The following TERF1 variants were observed in gnomAD, a reference collection of about 807,000 sequenced individuals.
The protein encoded by TERF1 is telomeric repeat binding factor 1.
A neutral mutation model predicts 55.1 loss-of-function variants in TERF1; 20 were observed. The observed-to-expected ratio is 0.36, with a 90% CI of 0.26 to 0.53. The LOEUF (loss-of-function observed/expected upper bound fraction) is 0.53, where lower values mean the gene tolerates loss of function less well. Among genes scored for constraint, TERF1 ranks in the 20% least tolerant of loss-of-function variants. The pLI is 0.91. For missense variants in TERF1, 439 were observed against 535.7 expected (o/e 0.82, Z 1.78); for synonymous variants, 168 against 181.2 (o/e 0.93, Z 0.59).
chr8:73,035,320 CT>C (rs1014008586), intron 8 of TERF1, among the ~76,000 whole-genome samples: 3 of 151,904 alleles, frequency 2.0e-5, no homozygotes, highest in Non-Finnish European at 4.4e-5. Context: ...TTTGTAGAGA[CT>C]TTTTTACTGA....
intron 8 of TERF1, among the ~76,000 whole-genome samples, chr8:73,033,790 T>C (rs138942687): frequency 5.3e-4 from 81 of 152,308 alleles, no homozygotes; most frequent in African/African-American, 1.8e-3. Flanking sequence ...ACTGTGGCTA[T>C]TGAGTCTATA....
rs758105115 is a variant in TERF1, at chr8:73,008,869, C to A, written c.-18C>A. ...TGCTCGGCGCCTGAAGGGGCAGTAC[C>A]CAAGCGAGCCATTTAACATGGCGGA... On this transcript the variant is annotated 5_prime_UTR_variant, in exon 1 of 10. Coordinates refer to ENST00000276603, the MANE Select transcript of TERF1 (RefSeq NM_017489.3). 3.1e-6 allele frequency: 5 copies of A among 1,589,898 alleles called. No homozygotes were observed. Among genetic ancestry groups the A allele is most frequent in the Non-Finnish European group, 3.4e-6 (4 of 1,169,304 alleles).
intron 6 of TERF1, among the ~76,000 whole-genome samples, chr8:73,027,433 T>C (rs191716262): frequency 6.6e-6 from 1 of 152,330 alleles, no homozygotes; most frequent in Admixed American, 6.5e-5. Flanking sequence ...ATATATCTTC[T>C]CTAAGCATAA....
chr8:73,030,384 A>G lies in TERF1; in HGVS notation c.936A>G (p.Val312=). 3 of 1,511,842 alleles carry G rather than the reference A, an allele frequency of 2.0e-6. No homozygotes were observed. The highest frequency in any genetic ancestry group is 2.6e-6 in the Non-Finnish European group (3 of 1,138,698). The allele number at this position is 1,511,842 out of a possible 1,614,324, so 93.7% of individuals were successfully genotyped here. Residue 312 remains valine, a synonymous_variant, in exon 7 of 10, where the codon GTA becomes GTG. Coordinates refer to ENST00000276603, the MANE Select transcript of TERF1 (RefSeq NM_017489.3). ...SAVTESSEGT[V]SLLRSHKNLF... ...TAACTGAATCCTCAGAGGGTACAGTATCCTTATTGAGGTGAAGTAAATTGA... is the reference window on the plus strand; with the variant it reads ...TAACTGAATCCTCAGAGGGTACAGTGTCCTTATTGAGGTGAAGTAAATTGA...
rs139840499 is a variant in TERF1 at position 73,044,681 on chromosome 8, G to A, written c.1144-1280G>A. On this transcript the variant is annotated intron_variant, in intron 9 of 9. Transcript: ENST00000276603. Reference sequence around the variant, plus strand: ...CTCTTCCTCTTACAAAACTGAAACCGTACTCCTTAAACAGTAAGTCCATTT... The same window carrying A: ...CTCTTCCTCTTACAAAACTGAAACCATACTCCTTAAACAGTAAGTCCATTT... Among the ~76,000 whole-genome samples the A allele has an allele frequency of 7.2e-5, 11 of 151,958 alleles. 1 individual carries two copies. The highest frequency in any genetic ancestry group is 3.4e-3 in the Middle Eastern group (1 of 294).
At chr8:73,014,857 A>G (rs940200571) in intron 2 of TERF1, among the ~76,000 whole-genome samples, 3 of 152,202 alleles carry the variant, frequency 2.0e-5, no homozygotes, top group African/African-American at 7.2e-5. Context: ...TGCCAGGACC[A>G]TAAATGGATA....
At chr8:73,018,550 C>T (rs1563458146) in intron 2 of TERF1, among the ~76,000 whole-genome samples, 4 of 152,118 alleles carry the variant, frequency 2.6e-5, no homozygotes, top group Admixed American at 1.3e-4. Flanking sequence ...GTGGTGGGCA[C>T]CTGTAATCCC....
At chr8:73,044,803 T>C (rs1809969945) in intron 9 of TERF1, among the ~76,000 whole-genome samples, 1 of 145,864 alleles carries the variant, frequency 6.9e-6, no homozygotes. Flanking sequence ...AGTATTTTTC[T>C]TTTTCTGTCT....
rs554255132 is a variant in TERF1 at position 73,044,825 on chromosome 8, C to T, written c.1144-1136C>T. Reference sequence around the variant, plus strand: ...TTCTTTTTCTGTCTAACCTAATGTCCTCAAGGTTTATCCATGTTCTAGAAT... The same window carrying T: ...TTCTTTTTCTGTCTAACCTAATGTCTTCAAGGTTTATCCATGTTCTAGAAT... On this transcript the variant is annotated intron_variant, in intron 9 of 9. Transcript: ENST00000276603. Among the ~76,000 whole-genome samples the T allele has an allele frequency of 6.8e-4, 103 of 152,114 alleles. 1 individual carries two copies. The South Asian group carries it at 7.1e-3, about 10-fold the overall frequency.
At chr8:73,031,745 A>G in intron 7 of TERF1, 1 of 206,186 alleles carries the variant, frequency 4.8e-6, no homozygotes. Flanking sequence ...TCCTTGATGT[A>G]TCTAATTGGA....
intron 3 of TERF1, among the ~76,000 whole-genome samples, chr8:73,022,001 G>A (rs1469647100): frequency 6.6e-6 from 1 of 152,172 alleles, no homozygotes; most frequent in African/African-American, 2.4e-5. Context: ...ATGAATAAAT[G>A]TGCATGGGAC....
At chr8:73,037,664 AATAT>A (rs1243991993) in intron 8 of TERF1, among the ~76,000 whole-genome samples, 5 of 48,466 alleles carry the variant, frequency 1.0e-4, no homozygotes, top group Admixed American at 2.8e-4. Flanking sequence ...TATGTATAAT[AATAT>A]TATATTATAT....
intron 2 of TERF1, among the ~76,000 whole-genome samples, chr8:73,019,417 C>T (rs182396672): frequency 6.6e-6 from 1 of 152,270 alleles, no homozygotes; most frequent in Non-Finnish European, 1.5e-5. Flanking sequence ...TTTCCTCATG[C>T]TCTACATGCA....
At chr8:73,035,209 C>A (rs1809462144) in intron 8 of TERF1, among the ~76,000 whole-genome samples, 1 of 152,050 alleles carries the variant, frequency 6.6e-6, no homozygotes, top group Non-Finnish European at 1.5e-5. Context: ...GCAAAAATTT[C>A]TTCCACCAAT....
intron 7 of TERF1, 38 bp from the exon 8 acceptor site, chr8:73,032,004 T>C (rs747723843): frequency 2.9e-5 from 42 of 1,441,174 alleles, no homozygotes; most frequent in Non-Finnish European, 4.0e-5. Flanking sequence ...CTTACTATCT[T>C]TCTGGAGCCA....
At chr8:73,042,261 C>T (rs557508122) in intron 9 of TERF1, among the ~76,000 whole-genome samples, 1 of 152,290 alleles carries the variant, frequency 6.6e-6, no homozygotes, top group East Asian at 1.9e-4. Flanking sequence ...ACAGTTGTTT[C>T]TCTTCTATTC....
chr8:73,024,640 G>A (rs184295606), intron 4 of TERF1, among the ~76,000 whole-genome samples, 182 bp from the exon 5 acceptor site: 4 of 150,166 alleles, frequency 2.7e-5, no homozygotes, highest in African/African-American at 1.0e-4. Context: ...TTAAAATGAG[G>A]AGAGGCCAGA....
At chr8:73,014,462 T>G (rs1227050125) in intron 2 of TERF1, among the ~76,000 whole-genome samples, 1 of 152,196 alleles carries the variant, frequency 6.6e-6, no homozygotes. Flanking sequence ...ATTTGAAACC[T>G]TTTATTTGAA....
rs199642410 is a variant in TERF1 at position 73,024,843 on chromosome 8, A to G, written c.646A>G (p.Met216Val). The G allele has an allele frequency of 5.0e-6, 8 of 1,585,698 alleles. No individual in the cohort carries two copies. Among genetic ancestry groups the G allele is most frequent in the African/African-American group, 2.7e-5 (2 of 74,024 alleles). ...TTAGCCTTTCAAAAGCAAATTGCTTATGATAATCTCTCAGAAAGATACATT... is the reference window on the plus strand; with the variant it reads ...TTAGCCTTTCAAAAGCAAATTGCTTGTGATAATCTCTCAGAAAGATACATT... Reference protein sequence around the residue: ...SHMPFKSKLLMIISQKDTFHS... With the variant: ...SHMPFKSKLLVIISQKDTFHS... Residue 216 changes from methionine to valine, a missense_variant, in exon 5 of 10, where the codon ATG (methionine) becomes GTG (valine). Physicochemically the swap from Met to Val is conservative, Grantham distance 21. This residue lies in a region of TERF1 where 95 missense variants were observed against 167.2 expected (regional missense o/e 0.57). Coordinates refer to ENST00000276603, the MANE Select transcript of TERF1 (RefSeq NM_017489.3).
Sources: gnomAD v4.1 joint callset for allele counts (sites outside exome capture counted in the v4.1 genomes callset) on GRCh38, gnomAD v4.1.1 for gene constraint, gnomAD v4.1.1 regional missense constraint, MANE v1.5 for transcripts, NCBI Gene and HGNC (gene_info 2026-07-23, HGNC 2026-07-21) for gene names.